ASIC2: variants seen among roughly 807,000 people sequenced by gnomAD.
ASIC2 encodes the protein acid sensing ion channel subunit 2.
ASIC2 carries 25 observed loss-of-function variants against 57.3 expected under a neutral mutation model. The ratio of observed to expected loss-of-function variants is 0.44; its 90% CI spans 0.32 to 0.61. The LOEUF (loss-of-function observed/expected upper bound fraction) is 0.61, where lower values mean the gene tolerates loss of function less well. Ranked by LOEUF, ASIC2 falls within the 20% of genes least tolerant of loss-of-function variation. The pLI is 0.06. For missense variants in ASIC2, 641 were observed against 738.1 expected (o/e 0.87, Z 1.52); for synonymous variants, 319 against 307.5 (o/e 1.04, Z -0.39).
chr17:33,575,857 A>G lies in ASIC2; in HGVS notation c.556-463790T>C, dbSNP rs538466339. 3.9e-5 allele frequency among the ~76,000 whole-genome samples: 6 copies of G among 152,316 alleles called. No individual in the cohort carries two copies. In the East Asian group the frequency reaches 9.7e-4, roughly 25 times the overall value. On this transcript the variant is annotated intron_variant, in intron 1 of 9. Coordinates refer to the ASIC2 transcript ENST00000359872. ...GAGGCAAGGGGCTCTTTAAACATGC[A>G]TGCCAAGAGAGCAAACGCCCCACAG...
At chr17:33,608,924 C>T (rs1567668017) in intron 1 of ASIC2, among the ~76,000 whole-genome samples, 1 of 152,054 alleles carries the variant, frequency 6.6e-6, no homozygotes, top group Non-Finnish European at 1.5e-5. Context: ...TGTCATTATC[C>T]TCTAGTTCTA....
chr17:33,146,190 A>C (rs1019830573), intron 1 of ASIC2, among the ~76,000 whole-genome samples: 1 of 152,230 alleles, frequency 6.6e-6, no homozygotes, highest in African/African-American at 2.4e-5. Flanking sequence ...GGAAGTCAGC[A>C]GAATGAGGAA....
At chr17:33,850,615 T>C (rs1481748097) in intron 1 of ASIC2, among the ~76,000 whole-genome samples, 1 of 152,202 alleles carries the variant, frequency 6.6e-6, no homozygotes, top group East Asian at 1.9e-4. Context: ...GGATTGTTCA[T>C]GGTATGTTTC....
chr17:33,576,587 C>G (rs1258764327), intron 1 of ASIC2, among the ~76,000 whole-genome samples: 1 of 152,168 alleles, frequency 6.6e-6, no homozygotes, highest in African/African-American at 2.4e-5. Flanking sequence ...GCCCAATGTC[C>G]TCCAATGGAA....
intron 1 of ASIC2, among the ~76,000 whole-genome samples, chr17:33,804,580 G>C (rs1319702194): frequency 2.6e-5 from 4 of 152,214 alleles, no homozygotes; most frequent in African/African-American, 9.6e-5. Context: ...TGGAGCCCAA[G>C]CTTTTAGTGT....
intron 3 of ASIC2, among the ~76,000 whole-genome samples, chr17:33,053,173 A>T (rs2091984140): frequency 2.6e-5 from 4 of 152,180 alleles, no homozygotes. Context: ...ATTTTTTATT[A>T]GTTTTATTAG....
chr17:33,252,667 A>G (rs1218678815), intron 1 of ASIC2, among the ~76,000 whole-genome samples: 1 of 149,806 alleles, frequency 6.7e-6, no homozygotes, highest in African/African-American at 2.5e-5. Context: ...TTCTTGAACT[A>G]CCTGATCTCG....
At chr17:33,462,057 G>A (rs1031761459) in intron 1 of ASIC2, among the ~76,000 whole-genome samples, 3 of 152,204 alleles carry the variant, frequency 2.0e-5, no homozygotes, top group African/African-American at 7.2e-5. Flanking sequence ...CGTATTTCAT[G>A]ATATTCAGGT....
At chr17:33,223,527 T>A (rs1367299120) in intron 1 of ASIC2, among the ~76,000 whole-genome samples, 2 of 152,200 alleles carry the variant, frequency 1.3e-5, no homozygotes, top group Non-Finnish European at 2.9e-5. Flanking sequence ...TAGTTATTTT[T>A]AAAGGAAAAG....
At chr17:33,730,688 T>C (rs776831313) in intron 1 of ASIC2, among the ~76,000 whole-genome samples, 28 of 152,372 alleles carry the variant, frequency 1.8e-4, no homozygotes, top group Non-Finnish European at 3.5e-4. Flanking sequence ...CTTGAGACGC[T>C]TCAAGGAGAA....
intron 1 of ASIC2, chr17:34,037,704 G>A (rs1907943456): frequency 2.5e-6 from 4 of 1,614,008 alleles, no homozygotes; most frequent in South Asian, 1.1e-5. Flanking sequence ...ACTGACTTTT[G>A]GATGTGAGGC....
intron 1 of ASIC2, among the ~76,000 whole-genome samples, chr17:33,773,411 T>A (rs1177901499): frequency 4.6e-5 from 7 of 152,156 alleles, no homozygotes; most frequent in African/African-American, 1.7e-4. Flanking sequence ...AATTAGCTTG[T>A]TCTAGCTTTT....
chr17:33,221,861 G>A (rs547378770), intron 1 of ASIC2, among the ~76,000 whole-genome samples: 7 of 74,100 alleles, frequency 9.4e-5, no homozygotes, highest in South Asian at 6.4e-4. Flanking sequence ...CTGCTAGCCC[G>A]ATAGATGTTT....
intron 1 of ASIC2, among the ~76,000 whole-genome samples, chr17:33,830,657 A>G (rs900708396): frequency 6.6e-6 from 1 of 151,992 alleles, no homozygotes; most frequent in South Asian, 2.1e-4. Context: ...TCAACCTGTC[A>G]TCTAGATTTT....
At chr17:33,298,047 C>T (rs1905794527), upstream of ASIC2, among the ~76,000 whole-genome samples, 1 of 148,126 alleles carries the variant, frequency 6.8e-6, no homozygotes, top group South Asian at 2.1e-4. Flanking sequence ...TTCTCTTCTT[C>T]TCTTCCCTTT....
At chr17:33,749,236 CCTCCCTT>C (rs1174892344) in intron 1 of ASIC2, among the ~76,000 whole-genome samples, 1 of 148,596 alleles carries the variant, frequency 6.7e-6, no homozygotes, top group African/African-American at 2.6e-5. Flanking sequence ...GGACCCTTTC[CCTCCCTT>C]TCCCCCTACC....
At chr17:33,635,060 G>A (rs537153339) in intron 1 of ASIC2, 1 of 152,216 alleles carries the variant, frequency 6.6e-6, no homozygotes, top group Non-Finnish European at 1.5e-5. Context: ...AGCAGGGAAA[G>A]AAGTAAATAT....
In ASIC2 at chr17:33,036,390, A is replaced by T. The variant is rs1157329440; in HGVS notation, c.988-7998T>A. ...TAGGTCAAGGAAATCGATGGGAGGGATGGAGAAACCCTCCATGGAGCACTT... is the reference window on the plus strand; with the variant it reads ...TAGGTCAAGGAAATCGATGGGAGGGTTGGAGAAACCCTCCATGGAGCACTT... On this transcript the variant is annotated intron_variant, in intron 3 of 9. Coordinates refer to ENST00000225823, the MANE Select transcript of ASIC2 (RefSeq NM_183377.2). 2.6e-5 allele frequency among the ~76,000 whole-genome samples: 4 copies of T among 152,040 alleles called. No homozygotes were observed. In the East Asian group the frequency reaches 7.7e-4, roughly 29 times the overall value.
At chr17:33,557,668 A>G (rs551594663) in intron 1 of ASIC2, among the ~76,000 whole-genome samples, 231 of 152,342 alleles carry the variant, frequency 1.5e-3, no homozygotes, top group Admixed American at 3.7e-3. Context: ...ATATTTCTGC[A>G]GGGTTTGCCG....
Sources: allele counts gnomAD v4.1 joint callset (sites outside exome capture counted in the v4.1 genomes callset), GRCh38; gene constraint gnomAD v4.1.1; transcripts MANE v1.5; gene names NCBI Gene and HGNC (gene_info 2026-07-23, HGNC 2026-07-21).